The following ZC3H14 variants were observed in gnomAD, a reference collection of about 807,000 sequenced individuals.
The protein encoded by ZC3H14 is zinc finger CCCH-type containing 14, also known as zinc finger CCCH domain-containing protein 14.
In ZC3H14, 31 loss-of-function variants were observed where a neutral mutation model predicts 92.4. The observed-to-expected ratio is 0.34, with a 90% CI of 0.25 to 0.45. The LOEUF (loss-of-function observed/expected upper bound fraction) is 0.45, where lower values mean the gene tolerates loss of function less well. Ranked by LOEUF, ZC3H14 falls within the 20% of genes least tolerant of loss-of-function variation. The pLI, the probability that ZC3H14 is intolerant of heterozygous loss-of-function variation, is 1.00. For synonymous variants in ZC3H14, 321 were observed against 300.9 expected (o/e 1.07, Z -0.69); for missense variants, 781 against 897.3 (o/e 0.87, Z 1.66).
intron 2 of ZC3H14, among the ~76,000 whole-genome samples, chr14:88,567,643 G>C (rs902591901): frequency 6.6e-6 from 1 of 152,082 alleles, no homozygotes; most frequent in African/African-American, 2.4e-5. Context: ...GTTCACTTGA[G>C]AAATGAGTGT....
chr14:88,563,353 G>C, intron 1 of ZC3H14, 184 bp downstream of exon 1: 1 of 1,458,868 alleles, frequency 6.9e-7, no homozygotes. Flanking sequence ...GCCTCGGAGC[G>C]TGGCTGCGGC....
chr14:88,601,614 AT>A (rs1363695734), intron 10 of ZC3H14, among the ~76,000 whole-genome samples: 1 of 152,154 alleles, frequency 6.6e-6, no homozygotes, highest in African/African-American at 2.4e-5. Flanking sequence ...TTTAGAAAAG[AT>A]TTTTGTACTT....
chr14:88,563,424 CGCACGGCGCCGCTTT>C (rs1473951995), intron 1 of ZC3H14: 1 of 1,427,520 alleles, frequency 7.0e-7, no homozygotes, highest in African/African-American at 1.5e-5. Context: ...ACCACCGCGG[CGCACGGCGCCGCTTT>C]GGATCCGCTG....
chr14:88,568,988 C>T (rs1487944887), intron 3 of ZC3H14, among the ~76,000 whole-genome samples: 1 of 151,974 alleles, frequency 6.6e-6, no homozygotes, highest in African/African-American at 2.4e-5. Flanking sequence ...TTCAAGTGAT[C>T]ATCCCATTGC....
rs913751097 is a variant in ZC3H14, at chr14:88,614,800, G to A, written c.*3049G>A. ...TCTAACTGACAAGTTTTTACAAATG[G>A]AGTTGGGCTCATTCATTTTGGAAAT... On this transcript the variant is annotated 3_prime_UTR_variant, in exon 17 of 17. Coordinates refer to ENST00000251038, the MANE Select transcript of ZC3H14 (RefSeq NM_024824.5). 1 of 152,066 alleles carries A rather than the reference G, an allele frequency of 6.6e-6. No homozygotes were observed. The highest frequency in any genetic ancestry group is 1.5e-5 in the Non-Finnish European group (1 of 68,000). The allele number at this position is 152,066 out of a possible 1,614,324, so 9.4% of individuals were successfully genotyped here.
chr14:88,610,718 A>G (rs1157011945), intron 15 of ZC3H14, 116 bp from the exon 16 acceptor site: 1 of 982,986 alleles, frequency 1.0e-6, no homozygotes, highest in East Asian at 2.6e-5. Flanking sequence ...GCAAGAGGTC[A>G]TGCCACTTCA....
Position 88,627,020 on chromosome 14 carries a change from G to A in ZC3H14, c.*15269G>A. ...TCTGCCACAAAAATACGTTGATTGT[G>A]ACCAGCTCTGCTGGCAATTTTGGCA... is the stretch of plus-strand genomic sequence containing the variant. On this transcript the variant is annotated 3_prime_UTR_variant, in exon 17 of 17. Coordinates refer to ENST00000251038, the MANE Select transcript of ZC3H14 (RefSeq NM_024824.5). 1 of 1,613,790 alleles carries A rather than the reference G, an allele frequency of 6.2e-7. No individual in the cohort carries two copies. Among genetic ancestry groups the A allele is most frequent in the Non-Finnish European group, 8.5e-7 (1 of 1,179,848 alleles).
chr14:88,606,101 G>A (rs893600418), intron 12 of ZC3H14, among the ~76,000 whole-genome samples: 1 of 152,172 alleles, frequency 6.6e-6, no homozygotes, highest in African/African-American at 2.4e-5. Context: ...TTTGTGGGGA[G>A]TTTAAGGTGT....
Position 88,611,812 on chromosome 14 carries a change from A to G in ZC3H14, c.*61A>G, listed in dbSNP as rs2086843280. 6.2e-7 allele frequency: 1 copy of G among 1,607,834 alleles called. No homozygotes were observed. Among genetic ancestry groups the G allele is most frequent in the Admixed American group, 1.7e-5 (1 of 59,914 alleles). ...GGAAGTTTTCATGTACTGATGAAAG[A>G]TACTCTACAGAACTTGTCAAATCTT... On this transcript the variant is annotated 3_prime_UTR_variant, in exon 17 of 17. Transcript: ENST00000251038.
chr14:88,563,236 G>A, intron 1 of ZC3H14, 67 bp downstream of exon 1: 2 of 1,563,000 alleles, frequency 1.3e-6, no homozygotes, highest in Non-Finnish European at 1.7e-6. Flanking sequence ...CAGGAGTAAC[G>A]GGGACTGTGG....
At position 88,609,709 on chromosome 14, in the gene ZC3H14, T is replaced by C; in HGVS notation, c.2006-3T>C. The C allele has an allele frequency of 6.2e-7, 1 of 1,614,166 alleles. No homozygotes were observed. The highest frequency in any genetic ancestry group is 2.2e-5 in the East Asian group (1 of 44,876). On this transcript the variant is annotated splice_region_variant and splice_polypyrimidine_tract_variant and intron_variant, in intron 14 of 16. Coordinates refer to ENST00000251038, the MANE Select transcript of ZC3H14 (RefSeq NM_024824.5). ...AGATCAGTCCTGGTTTTTATTTTGT[T>C]AGCAGTTGCACCACCAGCACCACCT...
intron 4 of ZC3H14, among the ~76,000 whole-genome samples, chr14:88,571,402 T>C (rs367632567): frequency 6.6e-6 from 1 of 152,152 alleles, no homozygotes; most frequent in East Asian, 1.9e-4. Context: ...TATTTTATAA[T>C]TGAAAACAAT....
intron 8 of ZC3H14, 148 bp from the exon 9 acceptor site, chr14:88,577,837 G>A: frequency 1.0e-6 from 1 of 977,188 alleles, no homozygotes; most frequent in Non-Finnish European, 1.6e-6. Context: ...CCAAAGTGCT[G>A]AGATTACAGG....
At chr14:88,606,955 C>T (rs915195166) in intron 12 of ZC3H14, among the ~76,000 whole-genome samples, 1 of 151,970 alleles carries the variant, frequency 6.6e-6, no homozygotes, top group Non-Finnish European at 1.5e-5. Context: ...ATTTTTAATT[C>T]AGCTATGAAT....
chr14:88,566,349 A>T (rs1435333870), intron 2 of ZC3H14, among the ~76,000 whole-genome samples: 7 of 152,118 alleles, frequency 4.6e-5, no homozygotes, highest in African/African-American at 1.7e-4. Flanking sequence ...AAACCAAAGA[A>T]GGGGCCCAAG....
At chr14:88,584,564 A>C (rs1031910972) in intron 9 of ZC3H14, among the ~76,000 whole-genome samples, 1 of 152,214 alleles carries the variant, frequency 6.6e-6, no homozygotes, top group African/African-American at 2.4e-5. Context: ...ACTATAGTAC[A>C]TACTGTACTA....
In ZC3H14 at chr14:88,627,445, T is replaced by C; in HGVS notation, c.*15694T>C. On this transcript the variant is annotated 3_prime_UTR_variant, in exon 17 of 17. Coordinates refer to ENST00000251038, the MANE Select transcript of ZC3H14 (RefSeq NM_024824.5). The stretch of plus-strand genomic sequence containing the variant: ...ATAATGCTAATAATGGTTTCATTAA[T>C]TTATCTGTTTTGTGAGGTTACAGTT... 1 of 531,944 alleles carries C rather than the reference T, an allele frequency of 1.9e-6. No homozygotes were observed. The highest frequency in any genetic ancestry group is 3.1e-5 in the East Asian group (1 of 32,460). The allele number at this position is 531,944 out of a possible 1,614,324, so 33.0% of individuals were successfully genotyped here.
chr14:88,607,085 A>G (rs562323604), intron 12 of ZC3H14, among the ~76,000 whole-genome samples, 158 bp from the exon 13 acceptor site: 49 of 152,284 alleles, frequency 3.2e-4, no homozygotes, highest in Admixed American at 2.0e-4. Context: ...ATAGGATTCT[A>G]TGGCCAGTGT....
intron 8 of ZC3H14, among the ~76,000 whole-genome samples, chr14:88,576,953 G>A (rs946129594): frequency 6.6e-6 from 1 of 152,014 alleles, no homozygotes; most frequent in Non-Finnish European, 1.5e-5. Context: ...ACCATGCCAG[G>A]CTAATTTTTT....
Sources: gnomAD v4.1 joint callset for allele counts (sites outside exome capture counted in the v4.1 genomes callset) on GRCh38, gnomAD v4.1.1 for gene constraint, MANE v1.5 for transcripts, NCBI Gene and HGNC (gene_info 2026-07-23, HGNC 2026-07-21) for gene names.